The following PPP1R3A variants were observed in gnomAD, a reference collection of about 807,000 sequenced individuals.
PPP1R3A encodes RG1.
Under a neutral mutation model 41.7 loss-of-function variants are expected in PPP1R3A, and 29 were observed. The observed-to-expected ratio is 0.70, with a 90% confidence interval of 0.52 to 0.95. The LOEUF is 0.95. Ranked by LOEUF, PPP1R3A falls within the 40% of genes least tolerant of loss-of-function variation. The pLI is 0.00. For synonymous variants in PPP1R3A, 485 were observed against 453.4 expected (o/e 1.07, Z -0.89); for missense variants, 1,352 against 1,292.4 (o/e 1.05, Z -0.71).
chr7:113,885,771 A>G (rs922795974), intron 1 of PPP1R3A, among the ~76,000 whole-genome samples: 2 of 150,462 alleles, frequency 1.3e-5, no homozygotes, highest in African/African-American at 4.9e-5. Flanking sequence ...GCTAAAAACT[A>G]CCTATATATG....
chr7:113,892,608 A>G (rs1796911324), intron 1 of PPP1R3A, among the ~76,000 whole-genome samples: 1 of 152,078 alleles, frequency 6.6e-6, no homozygotes, highest in Non-Finnish European at 1.5e-5. Flanking sequence ...GAAGAGGAAC[A>G]TTTGATTAAA....
rs567078353 is a variant in PPP1R3A, at chr7:113,906,495, A to G, written c.782+11720T>C. ...CTATGACTTAAACAAAATATAAGAT[A>G]TAAGACGAAGAAATAGGATTGGGGG... is the stretch of plus-strand genomic sequence containing the variant. On this transcript the variant is annotated intron_variant, in intron 1 of 3. Coordinates refer to ENST00000284601, the MANE Select transcript of PPP1R3A (RefSeq NM_002711.4). Among the ~76,000 whole-genome samples the G allele has an allele frequency of 5.9e-5, 9 of 151,890 alleles. No individual in the cohort carries two copies. In the South Asian group the frequency reaches 1.7e-3, roughly 28 times the overall value.
At chr7:113,893,291 A>C (rs1796923587) in intron 1 of PPP1R3A, among the ~76,000 whole-genome samples, 1 of 152,040 alleles carries the variant, frequency 6.6e-6, no homozygotes, top group South Asian at 2.1e-4. Context: ...AAAAACAAAA[A>C]TGCTGGTAGA....
At chr7:113,900,460 T>C (rs991822563) in intron 1 of PPP1R3A, among the ~76,000 whole-genome samples, 3 of 151,522 alleles carry the variant, frequency 2.0e-5, no homozygotes, top group Non-Finnish European at 4.4e-5. Flanking sequence ...GTCTTTTCTT[T>C]CTTCCTAATA....
intron 1 of PPP1R3A, among the ~76,000 whole-genome samples, chr7:113,894,320 C>T (rs1476566174): frequency 3.3e-5 from 5 of 151,932 alleles, no homozygotes; most frequent in South Asian, 2.1e-4. Flanking sequence ...CATATTCAAT[C>T]GAGAGAAAAA....
chr7:113,908,832 C>G (rs1435604763), intron 1 of PPP1R3A, among the ~76,000 whole-genome samples: 1 of 151,772 alleles, frequency 6.6e-6, no homozygotes, highest in Admixed American at 6.6e-5. Context: ...AAATTATGTC[C>G]TTTGCAACAA....
chr7:113,881,273 T>G (rs1453445253), intron 3 of PPP1R3A, among the ~76,000 whole-genome samples: 1 of 152,062 alleles, frequency 6.6e-6, no homozygotes, highest in African/African-American at 2.4e-5. Flanking sequence ...CACTGACACT[T>G]GAAGAGACAA....
At chr7:113,882,213 CTT>C in intron 2 of PPP1R3A, 47 bp downstream of exon 2, 1 of 1,593,816 alleles carries the variant, frequency 6.3e-7, no homozygotes, top group African/African-American at 1.3e-5. Flanking sequence ...TAATTGTAGA[CTT>C]TCACAAAAGA....
rs1360103552 is a variant in PPP1R3A at position 113,879,108 on chromosome 7, G to A, written c.1984C>T (p.Gln662Ter). 2 of 1,612,686 alleles carry A rather than the reference G, an allele frequency of 1.2e-6. No homozygotes were observed. The highest frequency in any genetic ancestry group is 8.5e-7 in the Non-Finnish European group (1 of 1,178,996). ...GTCTTATTCTCTCTTGATTTTCCCT[G>A]ACTTTCCAGAACATTCCAACTTTGT... is the stretch of plus-strand genomic sequence containing the variant. Reference protein sequence around the residue: ...HKQSWNVLESQGKSRENKTNI... With the variant: ...HKQSWNVLES The change falls in exon 4 of 4, where the codon CAG becomes TAG. Residue 662 changes from glutamine to a stop codon, truncating the protein, a stop_gained. Transcript: ENST00000284601. LOFTEE classifies it low-confidence loss of function (END_TRUNC).
chr7:113,900,057 A>G (rs2129118188), intron 1 of PPP1R3A, among the ~76,000 whole-genome samples: 1 of 91,992 alleles, frequency 1.1e-5, no homozygotes, highest in South Asian at 3.1e-4. Flanking sequence ...CAATGAATTT[A>G]AATTTACTTT....
intron 1 of PPP1R3A, among the ~76,000 whole-genome samples, chr7:113,917,848 T>C (rs1222352115): frequency 2.6e-5 from 4 of 152,082 alleles, no homozygotes; most frequent in Non-Finnish European, 4.4e-5. Flanking sequence ...AAGGAAAGCA[T>C]AGACATTTAA....
In PPP1R3A at chr7:113,879,323, C is replaced by T; in HGVS notation, c.1769G>A (p.Ser590Asn). The change falls in exon 4 of 4, where the codon AGT becomes AAT. Residue 590 changes from serine (S) to asparagine (N), a missense_variant. By Grantham distance (46) the Ser-to-Asn change is conservative. Transcript: ENST00000284601. ...TGGGGTTAACACAGCTTCTTCCCAACTTAAATTTGTCCTTGGTGAATGAGA... is the reference window on the plus strand; with the variant it reads ...TGGGGTTAACACAGCTTCTTCCCAATTTAAATTTGTCCTTGGTGAATGAGA... ...DVSHSPRTNL[S>N]WEEAVLTPEH... The T allele has an allele frequency of 1.2e-6, 2 of 1,613,586 alleles. No homozygotes were observed. The highest frequency in any genetic ancestry group is 1.7e-6 in the Non-Finnish European group (2 of 1,179,714).
chr7:113,879,243 CT>C lies in PPP1R3A; in HGVS notation c.1848del (p.Val617PhefsTer10). The C allele has an allele frequency of 6.2e-7, 1 of 1,613,662 alleles. No homozygotes were observed. Among genetic ancestry groups the C allele is most frequent in the South Asian group, 1.1e-5 (1 of 91,082 alleles). Reference protein sequence around the residue: ...EGSALGGITGQVCSSRTGNVL... With the variant: ...EGSALGGITGXVCSSRTGNVL... ...ACATTTCCAGTTCTTGATGAACAAA[CT>C]TGACCAGTTATCCCTCCTAAAGCGC... On this transcript the variant is annotated frameshift_variant, in exon 4 of 4. Coordinates refer to ENST00000284601, the MANE Select transcript of PPP1R3A (RefSeq NM_002711.4). LOFTEE classifies it low-confidence loss of function (END_TRUNC).
rs778412545 is a variant in PPP1R3A, at chr7:113,918,636, G to C, written c.361C>G (p.Gln121Glu). The part of the protein sequence containing the change: ...DLPSSKEDLM[Q>E]QLQIQKAILE... ...ATTGCTTTCTGTATTTGGAGTTGTT[G>C]CATAAGATCTTCTTTTGAAGAAGGC... The change falls in exon 1 of 4, where the codon CAA (glutamine) becomes GAA (glutamate). Residue 121 changes from glutamine (Q) to glutamate (E), a missense_variant. Coordinates refer to ENST00000284601, the MANE Select transcript of PPP1R3A (RefSeq NM_002711.4). 25 of 1,613,424 alleles carry C rather than the reference G, an allele frequency of 1.5e-5. No individual in the cohort carries two copies. The highest frequency in any genetic ancestry group is 2.7e-5 in the African/African-American group (2 of 74,896).
intron 1 of PPP1R3A, among the ~76,000 whole-genome samples, chr7:113,896,295 A>G (rs1199154397): frequency 1.3e-5 from 2 of 151,866 alleles, no homozygotes; most frequent in African/African-American, 4.8e-5. Context: ...AAAAGAGCCT[A>G]TACTGTTATG....
chr7:113,891,347 T>C (rs1191961901), intron 1 of PPP1R3A, among the ~76,000 whole-genome samples: 1 of 152,066 alleles, frequency 6.6e-6, no homozygotes, highest in Non-Finnish European at 1.5e-5. Context: ...GATCATTAAT[T>C]CTACATTATC....
At position 113,878,144 on chromosome 7, in the gene PPP1R3A, A is replaced by C; in HGVS notation, c.2948T>G (p.Val983Gly). Residue 983 changes from valine to glycine, a missense_variant, in exon 4 of 4, where the codon GTG (valine) becomes GGG (glycine). By Grantham distance (109) the Val-to-Gly change is moderately radical. Coordinates refer to ENST00000284601, the MANE Select transcript of PPP1R3A (RefSeq NM_002711.4). ...PEEVSRSSGI[V>G]TSGSRKERCI... ...TCTTTCTTTTCTACTACCTGATGTC[A>C]CTATTCCTGAACTTCTGGAAACTTC... 1 of 1,613,314 alleles carries C rather than the reference A, an allele frequency of 6.2e-7. No homozygotes were observed. Among genetic ancestry groups the C allele is most frequent in the South Asian group, 1.1e-5 (1 of 91,078 alleles).
chr7:113,896,820 G>A (rs1345404834), intron 1 of PPP1R3A, among the ~76,000 whole-genome samples: 2 of 151,598 alleles, frequency 1.3e-5, no homozygotes, highest in Non-Finnish European at 2.9e-5. Context: ...TTGGCATTTT[G>A]CATTTATGCA....
Position 113,877,980 on chromosome 7 carries a change from G to A in PPP1R3A, c.3112C>T (p.Leu1038=), listed in dbSNP as rs1467936128. The change falls in exon 4 of 4, where the codon CTA becomes TTA. Residue 1038 remains leucine, a synonymous_variant. Transcript: ENST00000284601. The part of the protein sequence containing the change: ...NEGLVSSGQS[L]YTSGEKESDS... ...GATTCCTTTTCACCTGAAGTGTATA[G>A]TGATTGCCCAGAGCTTACTAATCCT... 6.2e-7 allele frequency: 1 copy of A among 1,613,360 alleles called. No individual in the cohort carries two copies. Among genetic ancestry groups the A allele is most frequent in the East Asian group, 2.2e-5 (1 of 44,834 alleles).
Sources: allele counts gnomAD v4.1 joint callset (sites outside exome capture counted in the v4.1 genomes callset), GRCh38; gene constraint gnomAD v4.1.1; transcripts MANE v1.5; gene names NCBI Gene and HGNC (gene_info 2026-07-23, HGNC 2026-07-21).